Variants in DSCAM observed in about 807,000 individuals in gnomAD.
DSCAM encodes DS cell adhesion molecule.
In DSCAM, 47 loss-of-function variants were observed where a neutral mutation model predicts 217.7. The ratio of observed to expected loss-of-function variants is 0.22; its 90% CI spans 0.17 to 0.28. The LOEUF is 0.28. Among genes scored for constraint, DSCAM ranks in the 10% least tolerant of loss-of-function variants. The pLI, the probability that DSCAM is intolerant of heterozygous loss-of-function variation, is 1.00. For synonymous variants in DSCAM, 1,056 were observed against 1,015.3 expected (o/e 1.04, Z -0.76); for missense variants, 2,080 against 2,618.3 (o/e 0.79, Z 4.49).
chr21:40,176,660 C>G (rs2090735547), intron 15 of DSCAM, among the ~76,000 whole-genome samples: 1 of 152,238 alleles, frequency 6.6e-6, no homozygotes, highest in Non-Finnish European at 1.5e-5. Flanking sequence ...CTTTTCATTT[C>G]TAGAACCTGC....
At chr21:40,697,110 C>T (rs2090604091) in intron 2 of DSCAM, among the ~76,000 whole-genome samples, 1 of 152,168 alleles carries the variant, frequency 6.6e-6, no homozygotes, top group African/African-American at 2.4e-5. Flanking sequence ...CCACTCTCCA[C>T]CTCCATAAGA....
At chr21:40,190,665 G>A (rs570690635) in intron 11 of DSCAM, among the ~76,000 whole-genome samples, 56 of 152,282 alleles carry the variant, frequency 3.7e-4, no homozygotes, top group South Asian at 1.5e-3. Flanking sequence ...GAAGGTGACC[G>A]TAATTTGATA....
At chr21:40,559,997 G>C (rs907217907) in intron 3 of DSCAM, among the ~76,000 whole-genome samples, 1 of 152,032 alleles carries the variant, frequency 6.6e-6, no homozygotes, top group Non-Finnish European at 1.5e-5. Flanking sequence ...GTTTCACCGT[G>C]TTAGCCAGGA....
chr21:40,659,012 C>T (rs2090106553), intron 3 of DSCAM, among the ~76,000 whole-genome samples: 1 of 152,092 alleles, frequency 6.6e-6, no homozygotes, highest in African/African-American at 2.4e-5. Context: ...TCAACTTGAG[C>T]TCTTAAGTGC....
chr21:40,607,640 C>T (rs1030154375), intron 3 of DSCAM, among the ~76,000 whole-genome samples: 1 of 151,980 alleles, frequency 6.6e-6, no homozygotes, highest in Non-Finnish European at 1.5e-5. Flanking sequence ...TGTTCTCATG[C>T]TACTGAATAA....
Position 40,087,297 on chromosome 21 carries a change from C to A in DSCAM, c.3851-10G>T. On this transcript the variant is annotated splice_polypyrimidine_tract_variant and intron_variant, in intron 21 of 32. Coordinates refer to ENST00000400454, the MANE Select transcript of DSCAM (RefSeq NM_001389.5). ...AGGATTCGTGCAGGAGCTGAGGAAC[C>A]AAACAAAGTGGAATCCTGATTACTC... is the stretch of plus-strand genomic sequence containing the variant. 3 of 1,604,348 alleles carry A rather than the reference C, an allele frequency of 1.9e-6. No individual in the cohort carries two copies. Among genetic ancestry groups the A allele is most frequent in the Non-Finnish European group, 2.6e-6 (3 of 1,171,136 alleles).
intron 3 of DSCAM, among the ~76,000 whole-genome samples, chr21:40,485,885 C>G (rs941015593): frequency 1.3e-5 from 2 of 152,088 alleles, no homozygotes; most frequent in Admixed American, 6.6e-5. Flanking sequence ...TGAAATTTAC[C>G]TTTTGACTAC....
chr21:40,513,217 T>G (rs929954743), intron 3 of DSCAM: 50 of 152,232 alleles, frequency 3.3e-4, no homozygotes, highest in African/African-American at 1.2e-3. Flanking sequence ...ATAACCTACC[T>G]ACCCCGTACA....
chr21:40,409,195 A>G (rs2075302663), intron 3 of DSCAM, among the ~76,000 whole-genome samples: 1 of 152,240 alleles, frequency 6.6e-6, no homozygotes, highest in Non-Finnish European at 1.5e-5. Flanking sequence ...CTATGGCATT[A>G]AAAAGTTCCA....
intron 10 of DSCAM, among the ~76,000 whole-genome samples, chr21:40,286,467 GA>G (rs2073825340): frequency 6.6e-6 from 1 of 152,220 alleles, no homozygotes; most frequent in African/African-American, 2.4e-5. Context: ...AGAACTTGGG[GA>G]GAAGCCTTGG....
chr21:40,692,853 G>C lies in DSCAM; in HGVS notation c.465C>G (p.Ile155Met). ...CIIPSSVEAYITVVSWEKDTV... is the reference protein window; with the variant it reads ...CIIPSSVEAYMTVVSWEKDTV... ...TGTCTTTCTCCCATGAGACGACAGT[G>C]ATGTACGCCTCCACCGAGGAGGGGA... The change falls in exon 3 of 33, where the codon ATC becomes ATG. Residue 155 changes from isoleucine to methionine, a missense_variant. Coordinates refer to ENST00000400454, the MANE Select transcript of DSCAM (RefSeq NM_001389.5). 2 of 1,613,978 alleles carry C rather than the reference G, an allele frequency of 1.2e-6. No individual in the cohort carries two copies. The highest frequency in any genetic ancestry group is 1.7e-6 in the Non-Finnish European group (2 of 1,179,928).
At chr21:40,625,780 CAAAT>C (rs752932640) in intron 3 of DSCAM, among the ~76,000 whole-genome samples, 35 of 152,100 alleles carry the variant, frequency 2.3e-4, no homozygotes, top group Non-Finnish European at 4.3e-4. Context: ...AACACATAAA[CAAAT>C]AACAACAACA....
chr21:40,254,740 TC>T (rs2073348831), intron 11 of DSCAM, among the ~76,000 whole-genome samples: 3 of 151,950 alleles, frequency 2.0e-5, no homozygotes. Context: ...CTTCCTGTAC[TC>T]CCCCTATGGC....
Position 40,187,879 on chromosome 21 carries a change from T to C in DSCAM, c.2650+12A>G, listed in dbSNP as rs746142466. On this transcript the variant is annotated intron_variant, in intron 13 of 32. Coordinates refer to ENST00000400454, the MANE Select transcript of DSCAM (RefSeq NM_001389.5). ...TGACTGTGTTTATTCTCTTACGCTA[T>C]CGTCTTCCTACCTTGCACTGTGAGC... 1.7e-5 allele frequency: 27 copies of C among 1,603,838 alleles called. No individual in the cohort carries two copies. The highest frequency in any genetic ancestry group is 2.3e-5 in the Non-Finnish European group (27 of 1,170,730).
intron 3 of DSCAM, among the ~76,000 whole-genome samples, chr21:40,512,255 GTC>G (rs1434879043): frequency 1.3e-5 from 2 of 151,980 alleles, no homozygotes; most frequent in Non-Finnish European, 2.9e-5. Context: ...ACAAAACTGA[GTC>G]TATTTTCTTT....
chr21:40,477,561 A>G (rs988172483), intron 3 of DSCAM, among the ~76,000 whole-genome samples: 6 of 152,166 alleles, frequency 3.9e-5, no homozygotes, highest in Non-Finnish European at 7.3e-5. Flanking sequence ...CCTGCCCATT[A>G]AAACAGCATA....
intron 3 of DSCAM, among the ~76,000 whole-genome samples, chr21:40,625,793 CA>C (rs1217504531): frequency 1.3e-5 from 2 of 152,118 alleles, no homozygotes; most frequent in African/African-American, 4.8e-5. Context: ...ATAACAACAA[CA>C]AAACAAAATT....
intron 3 of DSCAM, among the ~76,000 whole-genome samples, chr21:40,494,464 T>C (rs2076101326): frequency 1.3e-5 from 2 of 152,210 alleles, no homozygotes; most frequent in South Asian, 4.1e-4. Context: ...CACACATACA[T>C]GGAAATTAAA....
chr21:40,075,617 C>G (rs916562804), intron 26 of DSCAM, among the ~76,000 whole-genome samples: 1 of 152,134 alleles, frequency 6.6e-6, no homozygotes, highest in South Asian at 2.1e-4. Context: ...AAAGGTTGGG[C>G]AAATGGACAG....
Sources: allele counts gnomAD v4.1 joint callset (sites outside exome capture counted in the v4.1 genomes callset), GRCh38; gene constraint gnomAD v4.1.1; transcripts MANE v1.5; gene names NCBI Gene and HGNC (gene_info 2026-07-23, HGNC 2026-07-21).